The following TNN variants were observed in gnomAD, a reference collection of about 807,000 sequenced individuals.
The protein encoded by TNN is tenascin-N.
Under a neutral mutation model 134.4 loss-of-function variants are expected in TNN, and 122 were observed. That is an observed-to-expected ratio of 0.91 (90% CI 0.78 to 1.06). The LOEUF (loss-of-function observed/expected upper bound fraction) is 1.06. TNN is among the 50% of genes least tolerant of loss of function. The pLI is 0.00. For synonymous variants in TNN, 710 were observed against 670.3 expected, an observed-to-expected ratio of 1.06 and a Z score of -0.91; for missense variants, 1,739 against 1,699.4, an observed-to-expected ratio of 1.02 and a Z score of -0.41.
intron 9 of TNN, among the ~76,000 whole-genome samples, chr1:175,110,852 T>C (rs1443934029): frequency 1.3e-5 from 2 of 152,186 alleles, no homozygotes; most frequent in African/African-American, 4.8e-5. Context: ...CTATTTGGGG[T>C]CTTCTGTGGT....
chr1:175,071,808 G>T (rs1002013997), intron 1 of TNN, among the ~76,000 whole-genome samples: 2 of 152,166 alleles, frequency 1.3e-5, no homozygotes, highest in African/African-American at 2.4e-5. Context: ...ATTAAATGAG[G>T]ATAATTTTTA....
intron 9 of TNN, among the ~76,000 whole-genome samples, chr1:175,101,376 C>T (rs1033153124): frequency 2.3e-4 from 33 of 146,528 alleles, no homozygotes; most frequent in South Asian, 1.1e-3. Flanking sequence ...TGCAGATCTT[C>T]GCGGTGTTAC....
Position 175,127,988 on chromosome 1 carries a change from A to AT in TNN, c.3046-43dup, listed in dbSNP as rs774976344. 1.1e-5 allele frequency: 17 copies of AT among 1,613,182 alleles called. No homozygotes were observed. The East Asian group carries it at 3.8e-4, about 36-fold the overall frequency. The stretch of plus-strand genomic sequence containing the variant: ...TTGACACCTAGGGTGCTAGTGGGTG[A>AT]TAAACTGAGTCACTGGCTGTCTAAT... On this transcript the variant is annotated intron_variant, in intron 13 of 18. Coordinates refer to ENST00000239462, the MANE Select transcript of TNN (RefSeq NM_022093.2).
At chr1:175,092,428 CAGTG>C (rs1249493531) in intron 6 of TNN, among the ~76,000 whole-genome samples, 1 of 151,890 alleles carries the variant, frequency 6.6e-6, no homozygotes, top group Non-Finnish European at 1.5e-5. Context: ...GTGCCAGTCA[CAGTG>C]AGACTATTGT....
intron 15 of TNN, among the ~76,000 whole-genome samples, chr1:175,130,875 C>G (rs1260674051): frequency 6.6e-6 from 1 of 152,152 alleles, no homozygotes; most frequent in African/African-American, 2.4e-5. Context: ...CATTCTCACC[C>G]TCCCCAGCCC....
chr1:175,138,722 G>C (rs1048322253), intron 17 of TNN, among the ~76,000 whole-genome samples: 1 of 152,194 alleles, frequency 6.6e-6, no homozygotes, highest in Non-Finnish European at 1.5e-5. Flanking sequence ...ACATGTACTT[G>C]AAGTATAACA....
chr1:175,135,716 G>T, intron 15 of TNN, 129 bp from the exon 16 acceptor site: 3 of 693,872 alleles, frequency 4.3e-6, no homozygotes, highest in Non-Finnish European at 5.2e-6. Context: ...TAAATAAAAA[G>T]CCTCTCTAGA....
chr1:175,116,999 C>T lies in TNN; in HGVS notation c.2180C>T (p.Ser727Phe), dbSNP rs1675198016. 1 of 1,614,220 alleles carries T rather than the reference C, an allele frequency of 6.2e-7. No homozygotes were observed. Among genetic ancestry groups the T allele is most frequent in the African/African-American group, 1.3e-5 (1 of 75,058 alleles). ...GTGACAGAGAATATGGCCACTGTCT[C>T]CTGGGACCCGGTGCGGGCCACCATT... ...DRVTENMATV[S>F]WDPVRATIDR... is the part of the protein sequence containing the mutation. The change falls in exon 10 of 19, where the codon TCC becomes TTC. Residue 727 changes from serine (S) to phenylalanine (F), a missense_variant. Coordinates refer to ENST00000239462, the MANE Select transcript of TNN (RefSeq NM_022093.2).
At chr1:175,068,307 C>T (rs1673841720) in intron 1 of TNN, among the ~76,000 whole-genome samples, 1 of 151,864 alleles carries the variant, frequency 6.6e-6, no homozygotes, top group African/African-American at 2.4e-5. Context: ...AATGTCAAAG[C>T]TTTCTCTCTC....
intron 18 of TNN, among the ~76,000 whole-genome samples, chr1:175,144,968 T>C (rs1232513702): frequency 1.3e-5 from 2 of 152,176 alleles, no homozygotes; most frequent in Non-Finnish European, 2.9e-5. Flanking sequence ...ATCAGACTGC[T>C]GGCAGATTTG....
chr1:175,075,101 A>G (rs1375307797), intron 1 of TNN, among the ~76,000 whole-genome samples: 4 of 152,232 alleles, frequency 2.6e-5, no homozygotes, highest in African/African-American at 4.8e-5. Flanking sequence ...AACATTTAGC[A>G]TTTCATGCTA....
intron 11 of TNN, among the ~76,000 whole-genome samples, chr1:175,120,411 C>G (rs527968835): frequency 6.6e-6 from 1 of 152,316 alleles, no homozygotes; most frequent in Admixed American, 6.5e-5. Flanking sequence ...CAGAAACACT[C>G]AAATAACAGT....
intron 1 of TNN, among the ~76,000 whole-genome samples, chr1:175,072,111 C>T (rs1673928471): frequency 6.6e-6 from 1 of 152,174 alleles, no homozygotes; most frequent in Non-Finnish European, 1.5e-5. Context: ...AAGCATAGAG[C>T]CCTGCAACAT....
At position 175,073,658 on chromosome 1, in the gene TNN, T is replaced by A. The variant is rs529283631; in HGVS notation, c.-35-3726T>A. Among the ~76,000 whole-genome samples, 10 of 152,322 alleles carry A rather than the reference T, an allele frequency of 6.6e-5. No individual in the cohort carries two copies. In the South Asian group the frequency reaches 2.1e-3, roughly 32 times the overall value. On this transcript the variant is annotated intron_variant, in intron 1 of 18. Transcript: ENST00000239462. ...CTCTCTCCTTAACATGCATGGCTGC[T>A]TCTGGCTTCACCAGTTTGCTGCTGC...
At chr1:175,127,235 G>T in intron 13 of TNN, 150 bp downstream of exon 13, 1 of 989,900 alleles carries the variant, frequency 1.0e-6, no homozygotes, top group South Asian at 1.6e-5. Flanking sequence ...GGGTTATTTT[G>T]TTTATTGTTA....
rs768439143 is a variant in TNN, at chr1:175,094,724, G to A, written c.1588+471G>A. Among the ~76,000 whole-genome samples the A allele has an allele frequency of 8.0e-4, 122 of 152,282 alleles. 2 individuals are homozygous for A. Among genetic ancestry groups the A allele is most frequent in the Non-Finnish European group, 1.8e-4 (12 of 68,018 alleles). Reference sequence around the variant, plus strand: ...CCTTTAAGCTTTCAGAAGCCATGAGGGTTCTCATACTTCACCCAGTCATTC... The same window carrying A: ...CCTTTAAGCTTTCAGAAGCCATGAGAGTTCTCATACTTCACCCAGTCATTC... On this transcript the variant is annotated intron_variant, in intron 7 of 18. Coordinates refer to ENST00000239462, the MANE Select transcript of TNN (RefSeq NM_022093.2).
rs748421933 is a variant in TNN, at chr1:175,077,530, C to A, written c.112C>A (p.Gln38Lys). The change falls in exon 2 of 19, where the codon CAA becomes AAA. Residue 38 changes from glutamine (Q) to lysine (K), a missense_variant. Coordinates refer to ENST00000239462, the MANE Select transcript of TNN (RefSeq NM_022093.2). Reference protein sequence around the residue: ...LEPPGCSNKEQQVTVSHTYKI... With the variant: ...LEPPGCSNKEKQVTVSHTYKI... The stretch of plus-strand genomic sequence containing the variant: ...GCCTCCCGGCTGCAGCAACAAGGAG[C>A]AACAGGTCACTGTCAGCCACACCTA... 5.0e-6 allele frequency: 8 copies of A among 1,614,112 alleles called. No individual in the cohort carries two copies. Among genetic ancestry groups the A allele is most frequent in the Non-Finnish European group, 1.7e-6 (2 of 1,180,032 alleles).
At chr1:175,125,047 CCA>C (rs1039154795) in intron 12 of TNN, among the ~76,000 whole-genome samples, 3 of 152,172 alleles carry the variant, frequency 2.0e-5, no homozygotes, top group African/African-American at 7.2e-5. Flanking sequence ...GTTAAAATAG[CCA>C]CAGTTTTGCC....
chr1:175,116,826 T>A, intron 9 of TNN, 113 bp from the exon 10 acceptor site: 1 of 1,422,436 alleles, frequency 7.0e-7, no homozygotes, highest in Non-Finnish European at 9.8e-7. Context: ...AACCAGCATA[T>A]GATATGGAGA....
Sources: allele counts gnomAD v4.1 joint callset (sites outside exome capture counted in the v4.1 genomes callset), GRCh38; gene constraint gnomAD v4.1.1; transcripts MANE v1.5; gene names NCBI Gene and HGNC (gene_info 2026-07-23, HGNC 2026-07-21).